The following PMPCB variants were observed in gnomAD, a reference collection of about 807,000 sequenced individuals.
PMPCB encodes peptidase, mitochondrial processing subunit beta, also known as mitochondrial-processing peptidase subunit beta.
A neutral mutation model predicts 61.5 loss-of-function variants in PMPCB; 46 were observed. The ratio of observed to expected loss-of-function variants is 0.75; its 90% confidence interval spans 0.59 to 0.96. The LOEUF (loss-of-function observed/expected upper bound fraction) is 0.96, where lower values mean the gene tolerates loss of function less well. Among genes scored for constraint, PMPCB ranks in the 40% least tolerant of loss-of-function variants. PMPCB has a pLI of 0.00. For missense variants in PMPCB, 590 were observed against 602.4 expected (o/e 0.98, Z 0.22); for synonymous variants, 191 against 201.6 (o/e 0.95, Z 0.44).
At chr7:103,344,429 G>T in the PMPCB span, 15 of 1,006,388 alleles carry the variant, frequency 1.5e-5, no homozygotes, top group African/African-American at 1.6e-4. Flanking sequence ...AAAGGCACTC[G>T]TCACGGCCCC....
chr7:103,323,910 A>G (rs1321971727), intron 12 of PMPCB, among the ~76,000 whole-genome samples: 1 of 152,214 alleles, frequency 6.6e-6, no homozygotes, highest in Non-Finnish European at 1.5e-5. Flanking sequence ...CGCTTGACCA[A>G]GACCTATTTT....
the PMPCB span, chr7:103,344,370 C>G: frequency 3.2e-6 from 2 of 621,938 alleles, no homozygotes; most frequent in African/African-American, 3.7e-5. Context: ...GCACCCCTCA[C>G]CCTCCTTCCT....
chr7:103,317,116 T>A, downstream of PMPCB: 1 of 1,038,788 alleles, frequency 9.6e-7, no homozygotes, highest in Non-Finnish European at 1.4e-6. Flanking sequence ...TCAATGTCAT[T>A]CTCACTCTGA....
intron 5 of PMPCB, 68 bp from the exon 6 acceptor site, chr7:103,304,343 C>T: frequency 1.1e-6 from 1 of 888,366 alleles, no homozygotes; most frequent in South Asian, 1.4e-5. Flanking sequence ...AATTTGATTT[C>T]AGGTATATTA....
At chr7:103,341,293 A>C in the PMPCB span, among the ~76,000 whole-genome samples, 3 of 152,208 alleles carry the variant, frequency 2.0e-5, no homozygotes, top group Admixed American at 2.0e-4. Context: ...TTACTGTCCC[A>C]AAAATAAATT....
chr7:103,310,606 C>G lies in PMPCB; in HGVS notation c.1154+131C>G, dbSNP rs1191326612. The G allele has an allele frequency of 9.9e-6, 6 of 606,822 alleles. No individual in the cohort carries two copies. The Admixed American group carries it at 2.2e-4, about 22-fold the overall frequency. The allele number at this position is 606,822 out of a possible 1,614,324, so 37.6% of individuals were successfully genotyped here. On this transcript the variant is annotated intron_variant, in intron 9 of 12. Transcript: ENST00000249269. ...AAGAGACCTAGATAAACAGTAGTTG[C>G]CATGTTTTCAAAGGTTGCAGTTGGT...
intron 12 of PMPCB, chr7:103,319,982 T>C: frequency 1.3e-6 from 1 of 796,510 alleles, no homozygotes; most frequent in Non-Finnish European, 2.1e-6. Context: ...TGCAGCAAAC[T>C]GAGATCACGC....
chr7:103,330,495 C>T (rs1363592888), downstream of PMPCB, among the ~76,000 whole-genome samples: 1 of 151,932 alleles, frequency 6.6e-6, no homozygotes, highest in African/African-American at 2.4e-5. Context: ...TCTTGTTGCC[C>T]AGGCTGGAGT....
chr7:103,332,925 T>C (rs530131378), downstream of PMPCB, among the ~76,000 whole-genome samples: 8 of 152,346 alleles, frequency 5.3e-5, no homozygotes, highest in Non-Finnish European at 4.4e-5. Flanking sequence ...TGATTAGCTC[T>C]TTCTGTATTT....
chr7:103,304,385 TAAAAA>T, intron 5 of PMPCB, 21 bp from the exon 6 acceptor site: 1 of 1,362,364 alleles, frequency 7.3e-7, no homozygotes, highest in Non-Finnish European at 1.0e-6. Context: ...TGGTTTCCTT[TAAAAA>T]TTGTTTTACT....
At chr7:103,299,832 G>A (rs149012000) in intron 3 of PMPCB, among the ~76,000 whole-genome samples, 4 of 152,160 alleles carry the variant, frequency 2.6e-5, no homozygotes, top group Admixed American at 6.5e-5. Context: ...GTGCGGTGAC[G>A]CAATCTGCTT....
Position 103,312,402 on chromosome 7 carries a change from ACTACCCCT to A in PMPCB, c.*134_*141del. The stretch of plus-strand genomic sequence containing the variant: ...TATCATACTTTCAAAGGATAAAAAG[ACTACCCCT>A]CTGAAGGTTGTTTTGTATTAATGGT... On this transcript the variant is annotated 3_prime_UTR_variant, in exon 13 of 13. Transcript: ENST00000249269. 6.6e-7 allele frequency: 1 copy of A among 1,515,106 alleles called. No individual in the cohort carries two copies. The highest frequency in any genetic ancestry group is 8.8e-7 in the Non-Finnish European group (1 of 1,140,906). The allele number at this position is 1,515,106 out of a possible 1,614,324, so 93.9% of individuals were successfully genotyped here.
chr7:103,338,867 G>A, the PMPCB span, among the ~76,000 whole-genome samples: 18 of 151,942 alleles, frequency 1.2e-4, no homozygotes, highest in Non-Finnish European at 2.4e-4. Context: ...CCAAGACTGC[G>A]CCACTGCACT....
downstream of PMPCB, among the ~76,000 whole-genome samples, chr7:103,332,227 G>C (rs565271369): frequency 3.5e-4 from 53 of 152,222 alleles, 1 homozygote; most frequent in East Asian, 0.01. Context: ...GGATGGTCTC[G>C]ATCTCCTGAC....
chr7:103,304,393 G>A lies in PMPCB; in HGVS notation c.657-18G>A. The A allele has an allele frequency of 5.8e-6, 8 of 1,370,124 alleles. No homozygotes were observed. Among genetic ancestry groups the A allele is most frequent in the Non-Finnish European group, 8.3e-6 (8 of 967,178 alleles). The allele number at this position is 1,370,124 out of a possible 1,614,324, so 84.9% of individuals were successfully genotyped here. On this transcript the variant is annotated intron_variant, in intron 5 of 12. Coordinates refer to ENST00000249269, the MANE Select transcript of PMPCB (RefSeq NM_004279.3). Reference sequence around the variant, plus strand: ...TTTTTTTTGGTTTCCTTTAAAAATTGTTTTACTTCATTTACAGATCTATAA... The same window carrying A: ...TTTTTTTTGGTTTCCTTTAAAAATTATTTTACTTCATTTACAGATCTATAA...
At chr7:103,321,460 G>T (rs1376303772) in intron 12 of PMPCB, among the ~76,000 whole-genome samples, 2 of 151,850 alleles carry the variant, frequency 1.3e-5, no homozygotes, top group African/African-American at 4.8e-5. Flanking sequence ...GGGGGTTGCA[G>T]TGAGCCAAAA....
At chr7:103,322,621 T>A in intron 12 of PMPCB, 1 of 1,613,184 alleles carries the variant, frequency 6.2e-7, no homozygotes, top group Non-Finnish European at 8.5e-7. Flanking sequence ...GGATCACAGC[T>A]GTATGCATTG....
At chr7:103,319,723 G>A in intron 12 of PMPCB, 2 of 1,613,966 alleles carry the variant, frequency 1.2e-6, no homozygotes, top group Non-Finnish European at 8.5e-7. Flanking sequence ...CTAAGCTCAA[G>A]TGAAGACTTC....
intron 6 of PMPCB, among the ~76,000 whole-genome samples, chr7:103,305,772 G>T (rs886242500): frequency 6.6e-6 from 1 of 152,186 alleles, no homozygotes; most frequent in Non-Finnish European, 1.5e-5. Flanking sequence ...TACATGGCAG[G>T]AAGTGCACTC....
Sources: allele counts gnomAD v4.1 joint callset (sites outside exome capture counted in the v4.1 genomes callset), GRCh38; gene constraint gnomAD v4.1.1; transcripts MANE v1.5; gene names NCBI Gene and HGNC (gene_info 2026-07-23, HGNC 2026-07-21).